SPATA9: variants seen among roughly 807,000 people sequenced by gnomAD.
SPATA9 encodes the protein spermatogenesis associated 9.
SPATA9 carries 27 observed loss-of-function variants against 25.5 expected under a neutral mutation model. That is an observed-to-expected ratio of 1.06 (90% CI 0.78 to 1.46). The LOEUF (loss-of-function observed/expected upper bound fraction) is 1.46, where lower values mean the gene tolerates loss of function less well. Ranked by LOEUF, SPATA9 falls within the 40% of genes most tolerant of loss-of-function variation. The probability of loss-of-function intolerance (pLI) is 0.00; values close to 1 mark genes in which losing one functional copy is unlikely to be tolerated. For synonymous variants in SPATA9, 102 were observed against 105.7 expected, an observed-to-expected ratio of 0.97 and a Z score of 0.21; for missense variants, 282 against 297.5, an observed-to-expected ratio of 0.95 and a Z score of 0.38.
chr5:95,671,309 C>G (rs1752345647), intron 3 of SPATA9, among the ~76,000 whole-genome samples: 1 of 152,244 alleles, frequency 6.6e-6, no homozygotes, highest in Non-Finnish European at 1.5e-5. Flanking sequence ...CCTACTGACA[C>G]TGCTTATTTG....
intron 3 of SPATA9, among the ~76,000 whole-genome samples, chr5:95,665,440 A>G (rs2112576966): frequency 6.6e-6 from 1 of 152,146 alleles, no homozygotes; most frequent in Non-Finnish European, 1.5e-5. Flanking sequence ...TTGTTGTTGT[A>G]GTTGTTAAAA....
chr5:95,664,110 G>T, intron 3 of SPATA9, 62 bp from the exon 4 acceptor site: 1 of 925,834 alleles, frequency 1.1e-6, no homozygotes, highest in Non-Finnish European at 1.6e-6. Context: ...ATGTCATATT[G>T]TACAATGTTA....
At chr5:95,715,775 CAAAG>C in the SPATA9 span, among the ~76,000 whole-genome samples, 1 of 151,958 alleles carries the variant, frequency 6.6e-6, no homozygotes, top group African/African-American at 2.4e-5. Context: ...TTCAGCAAAA[CAAAG>C]AAACTAAAAG....
At chr5:95,720,211 C>T in the SPATA9 span, among the ~76,000 whole-genome samples, 1 of 152,128 alleles carries the variant, frequency 6.6e-6, no homozygotes, top group East Asian at 1.9e-4. Flanking sequence ...GAAGAATGAG[C>T]CTTGGATAAT....
the SPATA9 span, chr5:95,717,386 G>GATATGTGTGTGTATATGTGTGC: frequency 7.2e-5 from 11 of 152,030 alleles, no homozygotes. Context: ...TCAATATATA[G>GATATGTGTGTGTATATGTGTGC]ATATGTGTGT....
intron 4 of SPATA9, among the ~76,000 whole-genome samples, chr5:95,659,797 C>T (rs1751091547): frequency 6.6e-6 from 1 of 152,148 alleles, no homozygotes; most frequent in Admixed American, 6.5e-5. Context: ...ACACAAGACA[C>T]TTTCCCTCAC....
chr5:95,652,553 C>A, downstream of SPATA9: 1 of 482,234 alleles, frequency 2.1e-6, no homozygotes, highest in Non-Finnish European at 3.4e-6. Flanking sequence ...TTTGGCACTA[C>A]AGTTCACCTA....
downstream of SPATA9, chr5:95,656,187 A>G: frequency 6.2e-7 from 1 of 1,614,120 alleles, no homozygotes. Context: ...AATAAAGCAA[A>G]GGATTCACAC....
intron 4 of SPATA9, among the ~76,000 whole-genome samples, chr5:95,660,537 T>A (rs772914561): frequency 6.6e-6 from 1 of 152,212 alleles, no homozygotes; most frequent in Non-Finnish European, 1.5e-5. Context: ...CTTGCACTTT[T>A]ATGTATCCAG....
At chr5:95,731,290 C>G in the SPATA9 span, 1 of 1,029,656 alleles carries the variant, frequency 9.7e-7, no homozygotes, top group Non-Finnish European at 1.2e-6. Context: ...CCCGATCTCC[C>G]CGACCCCCCT....
chr5:95,675,681 C>A (rs1235858443), intron 2 of SPATA9, 42 bp from the exon 3 acceptor site: 2 of 1,553,050 alleles, frequency 1.3e-6, no homozygotes, highest in Admixed American at 1.7e-5. Flanking sequence ...GTGTAATCTC[C>A]AGTGCATTAT....
intron 1 of SPATA9, among the ~76,000 whole-genome samples, chr5:95,688,044 G>A (rs535662715): frequency 1.3e-5 from 2 of 152,172 alleles, no homozygotes; most frequent in East Asian, 1.9e-4. Context: ...ACTACTACTC[G>A]ATCTGGCAAT....
the SPATA9 span, among the ~76,000 whole-genome samples, chr5:95,726,964 C>T: frequency 6.6e-6 from 1 of 151,830 alleles, no homozygotes. Flanking sequence ...TCGTTTCCCC[C>T]CTTTTTTTTT....
At chr5:95,701,639 T>C (rs1754181177), upstream of SPATA9, among the ~76,000 whole-genome samples, 1 of 151,872 alleles carries the variant, frequency 6.6e-6, no homozygotes, top group Non-Finnish European at 1.5e-5. Flanking sequence ...AAATCATTTA[T>C]ATACTAGATC....
chr5:95,720,003 C>T, the SPATA9 span, among the ~76,000 whole-genome samples: 8 of 152,120 alleles, frequency 5.3e-5, no homozygotes, highest in Non-Finnish European at 1.0e-4. Context: ...GTAGACTTTC[C>T]TATAAGGGAA....
intron 1 of SPATA9, among the ~76,000 whole-genome samples, chr5:95,694,569 C>G (rs1753968118): frequency 6.6e-6 from 1 of 152,180 alleles, no homozygotes; most frequent in Non-Finnish European, 1.5e-5. Context: ...ATGATGATAC[C>G]TCTTCAGGAG....
Position 95,682,602 on chromosome 5 carries a change from T to C in SPATA9, c.76A>G (p.Lys26Glu). Residue 26 changes from lysine to glutamate, a missense_variant, in exon 2 of 5, where the codon AAA (lysine) becomes GAA (glutamate). By Grantham distance (56) the Lys-to-Glu change is moderately conservative (BLOSUM62 1). Transcript: ENST00000274432. Reference sequence around the variant, plus strand: ...TCATCTACAAGGTCCATGATTGCTTTCTGGATCCCCTCGACTAAGACAAAA... The same window carrying C: ...TCATCTACAAGGTCCATGATTGCTTCCTGGATCCCCTCGACTAAGACAAAA... ...NFSGRIEGIQ[K>E]AIMDLVDEFK... is the part of the protein sequence containing the mutation. The C allele has an allele frequency of 6.2e-7, 1 of 1,613,510 alleles. No individual in the cohort carries two copies. The highest frequency in any genetic ancestry group is 8.5e-7 in the Non-Finnish European group (1 of 1,179,684).
At chr5:95,731,638 C>T in the SPATA9 span, 1 of 1,612,200 alleles carries the variant, frequency 6.2e-7, no homozygotes, top group Non-Finnish European at 8.5e-7. Context: ...AGCCGTGAGC[C>T]GCTGCTTTTC....
At chr5:95,678,864 C>T (rs1374013791) in intron 2 of SPATA9, among the ~76,000 whole-genome samples, 1 of 152,188 alleles carries the variant, frequency 6.6e-6, no homozygotes, top group Non-Finnish European at 1.5e-5. Flanking sequence ...CCCCTAACTA[C>T]TCAAGTTTCT....
Sources: allele counts gnomAD v4.1 joint callset (sites outside exome capture counted in the v4.1 genomes callset), GRCh38; gene constraint gnomAD v4.1.1; transcripts MANE v1.5; gene names NCBI Gene and HGNC (gene_info 2026-07-23, HGNC 2026-07-21).